Variants in FOXP1 observed in about 807,000 individuals in gnomAD.
FOXP1 encodes forkhead box P1.
In FOXP1, 15 loss-of-function variants were observed where a neutral mutation model predicts 98.2. That is an observed-to-expected ratio of 0.15 (90% CI 0.10 to 0.24). The LOEUF (loss-of-function observed/expected upper bound fraction) is 0.24. Ranked by LOEUF, FOXP1 falls within the 10% of genes least tolerant of loss-of-function variation. The pLI is 1.00. For missense variants in FOXP1, 633 were observed against 848.5 expected, an observed-to-expected ratio of 0.75 and a Z score of 3.15; for synonymous variants, 371 against 314.5, an observed-to-expected ratio of 1.18 and a Z score of -1.90.
At chr3:71,132,564 AG>A (rs1416445510) in intron 6 of FOXP1, among the ~76,000 whole-genome samples, 1 of 152,232 alleles carries the variant, frequency 6.6e-6, no homozygotes, top group Non-Finnish European at 1.5e-5. Context: ...ATCAGGTTAA[AG>A]GGCAACAGAA....
chr3:71,040,052 A>G (rs1295846376), intron 11 of FOXP1, among the ~76,000 whole-genome samples: 2 of 152,000 alleles, frequency 1.3e-5, no homozygotes, highest in Non-Finnish European at 2.9e-5. Flanking sequence ...CAACTCTGGT[A>G]ACCACTCATG....
intron 1 of FOXP1, among the ~76,000 whole-genome samples, chr3:71,583,061 C>A (rs1278980521): frequency 1.3e-5 from 2 of 151,730 alleles, no homozygotes; most frequent in African/African-American, 2.4e-5. Context: ...GCGGCCAGGA[C>A]CCGGGACCCC....
chr3:71,551,504 G>A (rs1039245496), intron 2 of FOXP1, among the ~76,000 whole-genome samples: 17 of 152,178 alleles, frequency 1.1e-4, no homozygotes, highest in Admixed American at 6.5e-5. Flanking sequence ...GGCCTGGACA[G>A]ACAGATTACA....
At chr3:71,306,812 T>C (rs751126152) in intron 4 of FOXP1, among the ~76,000 whole-genome samples, 1 of 152,208 alleles carries the variant, frequency 6.6e-6, no homozygotes. Context: ...TGCTTTTAAC[T>C]GAGTGGCCTC....
intron 7 of FOXP1, among the ~76,000 whole-genome samples, chr3:71,060,544 T>G (rs2051335898): frequency 1.3e-5 from 2 of 152,046 alleles, no homozygotes; most frequent in South Asian, 4.1e-4. Flanking sequence ...TTAGAGTAAT[T>G]GTACAAAAAG....
At chr3:71,128,642 A>T (rs1331362476) in intron 6 of FOXP1, among the ~76,000 whole-genome samples, 1 of 152,118 alleles carries the variant, frequency 6.6e-6, no homozygotes, top group Non-Finnish European at 1.5e-5. Context: ...CTTCGACAAA[A>T]CGGTAAGAGT....
intron 12 of FOXP1, among the ~76,000 whole-genome samples, chr3:71,004,503 G>C (rs564445232): frequency 6.6e-6 from 1 of 152,162 alleles, no homozygotes; most frequent in African/African-American, 2.4e-5. Context: ...ATAGTTAATG[G>C]CTATTAACCT....
chr3:71,384,969 C>G (rs2080457562), intron 3 of FOXP1, among the ~76,000 whole-genome samples: 1 of 152,034 alleles, frequency 6.6e-6, no homozygotes, highest in South Asian at 2.1e-4. Flanking sequence ...ATCAACAACA[C>G]AAAACAGACT....
At position 71,440,720 on chromosome 3, in the gene FOXP1, C is replaced by T. The variant is rs927779694; in HGVS notation, c.-168+52706G>A. Among the ~76,000 whole-genome samples the T allele has an allele frequency of 2.6e-5, 4 of 151,042 alleles. No individual in the cohort carries two copies. In the South Asian group the frequency reaches 8.3e-4, roughly 32 times the overall value. On this transcript the variant is annotated intron_variant, in intron 3 of 20. Coordinates refer to ENST00000649528, the MANE Select transcript of FOXP1 (RefSeq NM_001349338.3). ...CAAAAAAAAAAAAAAAAATAGTTATCCAGGCATGCTGGCATGTGCCTGTGG... is the reference window on the plus strand; with the variant it reads ...CAAAAAAAAAAAAAAAAATAGTTATTCAGGCATGCTGGCATGTGCCTGTGG...
chr3:71,280,122 C>G (rs1448842296), intron 5 of FOXP1, among the ~76,000 whole-genome samples: 1 of 26,120 alleles, frequency 3.8e-5, no homozygotes. Context: ...GACTCTGTCT[C>G]AAACAAAAAA....
At position 71,558,652 on chromosome 3, in the gene FOXP1, G is replaced by A. The variant is rs1478303004; in HGVS notation, c.-298+22897C>T. ...TGGGACCACAGGCATGGGCCACCAC[G>A]CCCAGCTAATTTTTGTATTTTTAGT... On this transcript the variant is annotated intron_variant, in intron 2 of 20. Transcript: ENST00000649528. 3.4e-5 allele frequency among the ~76,000 whole-genome samples: 5 copies of A among 148,564 alleles called. 1 individual carries two copies. The South Asian group carries it at 6.5e-4, about 19-fold the overall frequency.
intron 7 of FOXP1, among the ~76,000 whole-genome samples, chr3:71,097,439 C>T (rs1575666454): frequency 6.6e-6 from 1 of 152,142 alleles, no homozygotes; most frequent in African/African-American, 2.4e-5. Flanking sequence ...CTATCTGGCT[C>T]TTTACAGAGA....
intron 11 of FOXP1, among the ~76,000 whole-genome samples, chr3:71,021,810 G>A (rs1339009246): frequency 1.3e-5 from 2 of 152,188 alleles, no homozygotes; most frequent in African/African-American, 4.8e-5. Flanking sequence ...TTACTGCTAT[G>A]TGTGTATCTT....
intron 6 of FOXP1, among the ~76,000 whole-genome samples, chr3:71,190,638 CA>C (rs55747148): frequency 0.012 from 521 of 43,496 alleles, no homozygotes; most frequent in African/African-American, 0.043. Context: ...ACCCCATCTC[CA>C]AAAAAAAAAA....
At chr3:71,060,431 A>C (rs1250867715) in intron 7 of FOXP1, among the ~76,000 whole-genome samples, 1 of 152,094 alleles carries the variant, frequency 6.6e-6, no homozygotes, top group Non-Finnish European at 1.5e-5. Flanking sequence ...GCCCAACCAA[A>C]AGCTTCCCAT....
intron 6 of FOXP1, among the ~76,000 whole-genome samples, chr3:71,147,718 TCAA>T (rs1443477277): frequency 6.6e-6 from 1 of 152,196 alleles, no homozygotes; most frequent in Non-Finnish European, 1.5e-5. Flanking sequence ...CTTGGTTATA[TCAA>T]CAACCAAATG....
At chr3:71,207,305 T>C (rs1414285289) in intron 5 of FOXP1, among the ~76,000 whole-genome samples, 2 of 151,520 alleles carry the variant, frequency 1.3e-5, no homozygotes, top group East Asian at 3.9e-4. Flanking sequence ...GCCAGGTTCA[T>C]AACATAGATT....
intron 5 of FOXP1, among the ~76,000 whole-genome samples, chr3:71,205,294 C>A (rs1302172733): frequency 2.0e-5 from 3 of 151,998 alleles, no homozygotes; most frequent in Admixed American, 2.0e-4. Context: ...AATATGAGGG[C>A]CAAAACTGAA....
chr3:71,378,515 G>T (rs2108032291), intron 3 of FOXP1, among the ~76,000 whole-genome samples: 1 of 152,114 alleles, frequency 6.6e-6, no homozygotes, highest in East Asian at 1.9e-4. Context: ...TTTGTCCAGG[G>T]TCTCCATGCT....
Sources: allele counts gnomAD v4.1 joint callset (sites outside exome capture counted in the v4.1 genomes callset), GRCh38; gene constraint gnomAD v4.1.1; transcripts MANE v1.5; gene names NCBI Gene and HGNC (gene_info 2026-07-23, HGNC 2026-07-21).